The following FAXC variants were observed in gnomAD, a reference collection of about 807,000 sequenced individuals.
FAXC encodes failed axon connections homolog.
FAXC carries 10 observed loss-of-function variants against 41.9 expected under a neutral mutation model. The observed-to-expected ratio is 0.24, with a 90% CI of 0.15 to 0.41. The LOEUF is 0.41. FAXC is among the 10% of genes least tolerant of loss of function. FAXC has a pLI of 1.00. For synonymous variants in FAXC, 183 were observed against 183.8 expected (o/e 1.00, Z 0.03); for missense variants, 399 against 510.9 (o/e 0.78, Z 2.11).
At chr6:99,317,907 A>G (rs1276620117) in intron 4 of FAXC, among the ~76,000 whole-genome samples, 1 of 152,180 alleles carries the variant, frequency 6.6e-6, no homozygotes, top group African/African-American at 2.4e-5. Context: ...TAAATCTTCT[A>G]TCAGTTTTCC....
chr6:99,310,758 T>C (rs1030311068), intron 4 of FAXC, among the ~76,000 whole-genome samples: 17 of 152,266 alleles, frequency 1.1e-4, no homozygotes, highest in Non-Finnish European at 2.2e-4. Context: ...CTAAATGTGC[T>C]AACATGTGTG....
chr6:99,309,785 A>G (rs144641756), intron 4 of FAXC: 56 of 385,862 alleles, frequency 1.5e-4, no homozygotes, highest in African/African-American at 7.6e-4. Context: ...TTCCACTTCA[A>G]TGGATGAGCA....
intron 5 of FAXC, 60 bp from the exon 6 acceptor site, chr6:99,281,513 T>C (rs1770835830): frequency 2.2e-5 from 29 of 1,304,654 alleles, no homozygotes; most frequent in South Asian, 5.3e-5. Context: ...ACCACTTCTA[T>C]GGTCTGTGTT....
At chr6:99,317,403 G>A (rs1562170715) in intron 4 of FAXC, among the ~76,000 whole-genome samples, 2 of 152,122 alleles carry the variant, frequency 1.3e-5, no homozygotes, top group Admixed American at 6.5e-5. Context: ...CTAATCAAAC[G>A]TACTTAAAAA....
In FAXC at chr6:99,307,262, C is replaced by T. The variant is rs545248081; in HGVS notation, c.824-15442G>A. 2.0e-4 allele frequency among the ~76,000 whole-genome samples: 31 copies of T among 152,210 alleles called. 1 individual carries two copies. The South Asian group carries it at 6.2e-3, about 31-fold the overall frequency. ...AAGAGCATCTGCTACATTTTAAATA[C>T]ACTTTTGTGTGAAGGGAAAGCAGGA... is the stretch of plus-strand genomic sequence containing the variant. On this transcript the variant is annotated intron_variant, in intron 4 of 5. Coordinates refer to ENST00000389677, the MANE Select transcript of FAXC (RefSeq NM_032511.4).
At chr6:99,327,005 G>A (rs1470563678) in intron 3 of FAXC, among the ~76,000 whole-genome samples, 1 of 152,168 alleles carries the variant, frequency 6.6e-6, no homozygotes, top group Non-Finnish European at 1.5e-5. Context: ...CCTGCAGCAG[G>A]CTGAATGCAG....
At chr6:99,343,302 A>C (rs970504408) in intron 1 of FAXC, among the ~76,000 whole-genome samples, 1 of 152,158 alleles carries the variant, frequency 6.6e-6, no homozygotes, top group Non-Finnish European at 1.5e-5. Flanking sequence ...ACTACATAAC[A>C]ACCTCCTTCT....
At chr6:99,340,572 A>G (rs1015891879) in intron 2 of FAXC, among the ~76,000 whole-genome samples, 2 of 152,166 alleles carry the variant, frequency 1.3e-5, no homozygotes, top group Non-Finnish European at 2.9e-5. Flanking sequence ...ATCCTTTATA[A>G]TAAGATATAT....
intron 5 of FAXC, among the ~76,000 whole-genome samples, chr6:99,290,044 C>T (rs1771173267): frequency 6.6e-6 from 1 of 150,712 alleles, no homozygotes; most frequent in African/African-American, 2.4e-5. Context: ...GTTGAACAAT[C>T]ATAAGTCAAA....
At chr6:99,294,359 A>G (rs1360131313) in intron 4 of FAXC, among the ~76,000 whole-genome samples, 1 of 152,212 alleles carries the variant, frequency 6.6e-6, no homozygotes, top group Admixed American at 6.5e-5. Context: ...AGGCAGGCAG[A>G]GGGAAACTGC....
rs1475528464 is a variant in FAXC at position 99,280,182 on chromosome 6, CTGTT to C, written c.*978_*981del. 2.0e-5 allele frequency: 3 copies of C among 152,184 alleles called. No individual in the cohort carries two copies. Among genetic ancestry groups the C allele is most frequent in the Non-Finnish European group, 4.4e-5 (3 of 68,026 alleles). 9.4% of individuals were successfully genotyped at this position (152,184 alleles called of 1,614,324 possible). A position where few individuals can be genotyped will look rare whatever the true frequency, so the allele number is the denominator to read the frequency against. ...TGCAAATACATGGTAGAATTGAAGA[CTGTT>C]TGTAGCTGTCGATAATTTGTAAAAA... On this transcript the variant is annotated 3_prime_UTR_variant, in exon 6 of 6. Transcript: ENST00000389677.
At chr6:99,285,436 A>AT (rs749117761) in intron 5 of FAXC, among the ~76,000 whole-genome samples, 367 of 152,356 alleles carry the variant, frequency 2.4e-3, no homozygotes, top group Non-Finnish European at 4.3e-3. Flanking sequence ...TGTGTATAGT[A>AT]TAATTCCATT....
intron 5 of FAXC, 105 bp downstream of exon 5, chr6:99,291,599 G>A: frequency 2.5e-6 from 2 of 815,192 alleles, no homozygotes; most frequent in Non-Finnish European, 4.3e-6. Context: ...TCTCCATAAA[G>A]CACACCCAAG....
intron 3 of FAXC, among the ~76,000 whole-genome samples, chr6:99,331,838 C>T (rs1183860532): frequency 1.3e-5 from 2 of 152,196 alleles, no homozygotes; most frequent in African/African-American, 4.8e-5. Context: ...ATGGGCTCTT[C>T]GCAAGGCCTT....
intron 4 of FAXC, among the ~76,000 whole-genome samples, chr6:99,315,041 C>T (rs1301075675): frequency 1.3e-5 from 2 of 151,808 alleles, no homozygotes; most frequent in Non-Finnish European, 2.9e-5. Flanking sequence ...CAAGACCAGC[C>T]TGGCCAACAT....
At chr6:99,310,636 GT>G (rs974694443) in intron 4 of FAXC, among the ~76,000 whole-genome samples, 2 of 152,184 alleles carry the variant, frequency 1.3e-5, no homozygotes, top group Admixed American at 6.5e-5. Context: ...AATGTCTATG[GT>G]TTTTTTCTTT....
chr6:99,311,972 C>T (rs1772174061), intron 4 of FAXC, among the ~76,000 whole-genome samples: 2 of 152,206 alleles, frequency 1.3e-5, no homozygotes, highest in African/African-American at 4.8e-5. Context: ...TATCCATGCC[C>T]AGTATCCTCA....
Position 99,281,301 on chromosome 6 carries a change from A to G in FAXC, c.1093T>C (p.Ser365Pro). The G allele has an allele frequency of 6.2e-7, 1 of 1,614,196 alleles. No homozygotes were observed. Among genetic ancestry groups the G allele is most frequent in the Non-Finnish European group, 8.5e-7 (1 of 1,180,026 alleles). ...HTPLLDFSFY[S>P]RTETFEDEGA... The stretch of plus-strand genomic sequence containing the variant: ...TCATCTTCAAAGGTCTCTGTCCTTG[A>G]GTAAAAGCTAAAATCCAGCAGCGGG... Residue 365 changes from serine to proline, a missense_variant, in exon 6 of 6, where the codon TCA (serine) becomes CCA (proline). Physicochemically the swap from Ser to Pro is moderately conservative, Grantham distance 74. This residue lies in a region of FAXC where 92 missense variants were observed against 94.9 expected (regional missense o/e 0.97). Transcript: ENST00000389677.
intron 4 of FAXC, among the ~76,000 whole-genome samples, chr6:99,311,686 C>A (rs1772164633): frequency 6.6e-6 from 1 of 152,200 alleles, no homozygotes; most frequent in Admixed American, 6.5e-5. Context: ...AAAGACCCCT[C>A]CTCAGCTATC....
Sources: allele counts gnomAD v4.1 joint callset (sites outside exome capture counted in the v4.1 genomes callset), GRCh38; gene constraint gnomAD v4.1.1; regional missense constraint gnomAD v4.1.1; transcripts MANE v1.5; gene names NCBI Gene and HGNC (gene_info 2026-07-23, HGNC 2026-07-21).